Variants in ATXN7L1 observed in about 807,000 individuals in gnomAD.
ATXN7L1 encodes ataxin 7 like 1.
A neutral mutation model predicts 70.8 loss-of-function variants in ATXN7L1; 15 were observed. The ratio of observed to expected loss-of-function variants is 0.21; its 90% confidence interval spans 0.14 to 0.33. ATXN7L1 has a LOEUF of 0.33. ATXN7L1 is among the 10% of genes least tolerant of loss of function. ATXN7L1 has a pLI of 1.00. For synonymous variants in ATXN7L1, 440 were observed against 445.1 expected, an observed-to-expected ratio of 0.99 and a Z score of 0.14; for missense variants, 975 against 1,097.1, an observed-to-expected ratio of 0.89 and a Z score of 1.57.
intron 4 of ATXN7L1, among the ~76,000 whole-genome samples, chr7:105,661,478 G>C (rs899764700): frequency 2.6e-5 from 4 of 152,186 alleles, no homozygotes; most frequent in Non-Finnish European, 5.9e-5. Context: ...TGATAGGACT[G>C]TGATATAGAA....
At chr7:105,742,380 A>C (rs1798108834) in intron 3 of ATXN7L1, among the ~76,000 whole-genome samples, 1 of 152,230 alleles carries the variant, frequency 6.6e-6, no homozygotes, top group African/African-American at 2.4e-5. Flanking sequence ...AATAGGCAAT[A>C]ACCCTTACCT....
At chr7:105,692,453 CCTT>C (rs1427613183) in intron 3 of ATXN7L1, among the ~76,000 whole-genome samples, 3 of 138,252 alleles carry the variant, frequency 2.2e-5, no homozygotes, top group African/African-American at 8.0e-5. Flanking sequence ...TCCCTTCCTT[CCTT>C]CTTTTTTTGA....
chr7:105,817,964 T>G (rs1809447761), intron 2 of ATXN7L1, among the ~76,000 whole-genome samples: 1 of 152,186 alleles, frequency 6.6e-6, no homozygotes, highest in African/African-American at 2.4e-5. Flanking sequence ...CTATAGAATG[T>G]TCTTTGTGCT....
In ATXN7L1 at chr7:105,685,758, C is replaced by G. The variant is rs113302903; in HGVS notation, c.356-20470G>C. Among the ~76,000 whole-genome samples the G allele has an allele frequency of 1.9e-3, 283 of 152,304 alleles. 1 individual carries two copies. Among genetic ancestry groups the G allele is most frequent in the African/African-American group, 6.6e-3 (273 of 41,556 alleles). On this transcript the variant is annotated intron_variant, in intron 3 of 11. Coordinates refer to ENST00000419735, the MANE Select transcript of ATXN7L1 (RefSeq NM_020725.2). ...CCCCAGTCAATCCCTGAGCTTCCAT[C>G]CTGGATGGTGGTTTCTAAGAACAAC...
rs540473749 is a variant in ATXN7L1, at chr7:105,678,447, C to T, written c.356-13159G>A. On this transcript the variant is annotated intron_variant, in intron 3 of 11. Transcript: ENST00000419735. ...GTCAGTCCACCTGTGGGCCAGTCGC[C>T]TGCGTTGATTCAGGGCCTGCAGTGT... Among the ~76,000 whole-genome samples, 223 of 152,308 alleles carry T rather than the reference C, an allele frequency of 1.5e-3. 8 individuals carry two copies. In the South Asian group the frequency reaches 0.041, roughly 28 times the overall value.
intron 2 of ATXN7L1, among the ~76,000 whole-genome samples, chr7:105,798,853 T>C (rs1806381746): frequency 6.6e-6 from 1 of 152,192 alleles, no homozygotes; most frequent in African/African-American, 2.4e-5. Flanking sequence ...AAGATAGGAA[T>C]CCCAGGCAAA....
At chr7:105,678,314 G>A (rs560085415) in intron 3 of ATXN7L1, among the ~76,000 whole-genome samples, 2 of 152,222 alleles carry the variant, frequency 1.3e-5, no homozygotes, top group African/African-American at 4.8e-5. Flanking sequence ...GGAACTGACT[G>A]TGTGTGTGAG....
chr7:105,641,214 C>CTCTCTTTTTTTTTTTTTTTTT (rs1316374331), intron 5 of ATXN7L1, among the ~76,000 whole-genome samples: 1 of 21,786 alleles, frequency 4.6e-5, no homozygotes, highest in Non-Finnish European at 8.6e-5. Context: ...CTCTCTCTCT[C>CTCTCTTTTTTTTTTTTTTTTT]TTTTTTTTTT....
At chr7:105,792,037 C>T (rs1805325125) in intron 2 of ATXN7L1, among the ~76,000 whole-genome samples, 1 of 152,186 alleles carries the variant, frequency 6.6e-6, no homozygotes, top group Non-Finnish European at 1.5e-5. Flanking sequence ...GCCTGTCAGG[C>T]TGCCACTGAC....
chr7:105,733,156 G>C (rs1584868459), intron 3 of ATXN7L1, among the ~76,000 whole-genome samples: 1 of 152,088 alleles, frequency 6.6e-6, no homozygotes, highest in Non-Finnish European at 1.5e-5. Context: ...TTGGTTCACT[G>C]TTGCATTACC....
intron 4 of ATXN7L1, among the ~76,000 whole-genome samples, chr7:105,664,500 TATATGTATAATATATATATAC>T (rs1802233448): frequency 2.0e-5 from 3 of 146,612 alleles, no homozygotes; most frequent in South Asian, 2.1e-4. Context: ...ATATGTATAA[TATATGTATAATATATATATAC>T]ATATGTATAA....
At chr7:105,727,326 G>C (rs944561318) in intron 3 of ATXN7L1, among the ~76,000 whole-genome samples, 3 of 152,068 alleles carry the variant, frequency 2.0e-5, no homozygotes, top group Non-Finnish European at 2.9e-5. Context: ...TGAATGGTTT[G>C]GAGAAAAACA....
intron 2 of ATXN7L1, among the ~76,000 whole-genome samples, chr7:105,836,925 G>T (rs1441830667): frequency 6.6e-6 from 1 of 152,148 alleles, no homozygotes; most frequent in Non-Finnish European, 1.5e-5. Context: ...GGGTGTGGTG[G>T]TGTGTGCCTG....
chr7:105,631,302 C>T (rs1796564994), intron 7 of ATXN7L1, among the ~76,000 whole-genome samples: 1 of 152,122 alleles, frequency 6.6e-6, no homozygotes, highest in Non-Finnish European at 1.5e-5. Context: ...AGAAGCTGGC[C>T]ACCTCTAGGA....
intron 3 of ATXN7L1, among the ~76,000 whole-genome samples, chr7:105,671,032 G>A (rs1416658361): frequency 2.0e-5 from 3 of 150,632 alleles, no homozygotes; most frequent in South Asian, 2.1e-4. Context: ...GCGTGAACCC[G>A]GGAGGCAGAG....
At chr7:105,631,349 G>C (rs1413326976) in intron 7 of ATXN7L1, among the ~76,000 whole-genome samples, 1 of 152,088 alleles carries the variant, frequency 6.6e-6, no homozygotes, top group Non-Finnish European at 1.5e-5. Flanking sequence ...GTGAGGTGAG[G>C]ACTAAATACA....
chr7:105,664,988 G>T, intron 4 of ATXN7L1, 78 bp downstream of exon 4: 1 of 1,385,724 alleles, frequency 7.2e-7, no homozygotes, highest in Middle Eastern at 2.5e-4. Flanking sequence ...CAAAGCCAGA[G>T]AGTAAATACT....
intron 2 of ATXN7L1, among the ~76,000 whole-genome samples, chr7:105,872,877 G>A (rs1274484598): frequency 6.6e-5 from 10 of 150,744 alleles, no homozygotes; most frequent in East Asian, 1.9e-4. Context: ...ACCACCCGCC[G>A]GGCACGGTGG....
Position 105,723,109 on chromosome 7 carries a change from CTT to C in ATXN7L1, c.356-57823_356-57822del, listed in dbSNP as rs1332079192. ...GGTTCTGGGTCTCGATGCCCTCACT[CTT>C]TGGATACATGACGTGGGGTGTATCA... On this transcript the variant is annotated intron_variant, in intron 3 of 11. Transcript: ENST00000419735. 1.6e-4 allele frequency among the ~76,000 whole-genome samples: 25 copies of C among 152,114 alleles called. 1 individual carries two copies. The highest frequency in any genetic ancestry group is 1.5e-3 in the Admixed American group (23 of 15,260).
Sources: allele counts gnomAD v4.1 joint callset (sites outside exome capture counted in the v4.1 genomes callset), GRCh38; gene constraint gnomAD v4.1.1; transcripts MANE v1.5; gene names NCBI Gene and HGNC (gene_info 2026-07-23, HGNC 2026-07-21).